The following UBE2F variants were observed in gnomAD, a reference collection of about 807,000 sequenced individuals.
UBE2F encodes the protein NEDD8-conjugating enzyme UBE2F.
In UBE2F, 5 loss-of-function variants were observed where a neutral mutation model predicts 29.6. That is an observed-to-expected ratio of 0.17 (90% CI 0.09 to 0.36). The LOEUF is 0.36. Among genes scored for constraint, UBE2F ranks in the 10% least tolerant of loss-of-function variants. The pLI is 1.00. For synonymous variants in UBE2F, 66 were observed against 81.8 expected (o/e 0.81, Z 1.04); for missense variants, 141 against 228.5 (o/e 0.62, Z 2.47).
At chr2:237,972,690 A>G (rs2063201645) in intron 1 of UBE2F, among the ~76,000 whole-genome samples, 1 of 151,360 alleles carries the variant, frequency 6.6e-6, no homozygotes, top group South Asian at 2.1e-4. Flanking sequence ...AGCTGAGACT[A>G]CAGGCACACA....
chr2:238,030,592 G>A lies in UBE2F; in HGVS notation c.390G>A (p.Trp130Ter). The A allele has an allele frequency of 6.2e-7, 1 of 1,613,722 alleles. No homozygotes were observed. The highest frequency in any genetic ancestry group is 8.5e-7 in the Non-Finnish European group (1 of 1,179,796). Reference sequence around the variant, plus strand: ...AACATTCAATTGATGGCACTGGCTGGGCTCCCACAAGAACATTAAAGGTAG... The same window carrying A: ...AACATTCAATTGATGGCACTGGCTGAGCTCCCACAAGAACATTAAAGGTAG... ...LREHSIDGTG[W>*]APTRTLKDVV... Residue 130 changes from tryptophan to a stop codon, truncating the protein, a stop_gained, in exon 7 of 10, where the codon TGG becomes TGA. Coordinates refer to ENST00000272930, the MANE Select transcript of UBE2F (RefSeq NM_080678.3). LOFTEE classifies it high-confidence loss of function.
intron 3 of UBE2F, among the ~76,000 whole-genome samples, chr2:237,992,005 C>G (rs1313004068): frequency 1.3e-5 from 2 of 152,106 alleles, no homozygotes; most frequent in African/African-American, 4.8e-5. Flanking sequence ...GCTGGGATTA[C>G]AGGCATGCGC....
intron 3 of UBE2F, among the ~76,000 whole-genome samples, chr2:237,991,119 C>A (rs562970346): frequency 1.2e-4 from 18 of 152,186 alleles, no homozygotes; most frequent in Admixed American, 3.9e-4. Context: ...CATCTCCTAG[C>A]CCTATAGCTA....
At chr2:237,978,536 G>GT (rs2106330346) in intron 2 of UBE2F, among the ~76,000 whole-genome samples, 1 of 152,198 alleles carries the variant, frequency 6.6e-6, no homozygotes, top group East Asian at 1.9e-4. Flanking sequence ...CTGCTTTGGA[G>GT]TGGCCGGCCA....
At chr2:238,005,783 A>G (rs1217337932) in intron 4 of UBE2F, among the ~76,000 whole-genome samples, 2 of 152,032 alleles carry the variant, frequency 1.3e-5, no homozygotes, top group Admixed American at 6.5e-5. Flanking sequence ...TACAAATACT[A>G]CTGCTTGATT....
At chr2:237,987,358 A>G (rs763989928) in intron 2 of UBE2F, among the ~76,000 whole-genome samples, 1 of 151,932 alleles carries the variant, frequency 6.6e-6, no homozygotes, top group African/African-American at 2.4e-5. Flanking sequence ...GATGCCTTTT[A>G]TTTGTTTTTC....
At chr2:237,989,137 G>A (rs1367051797) in intron 3 of UBE2F, among the ~76,000 whole-genome samples, 1 of 152,112 alleles carries the variant, frequency 6.6e-6, no homozygotes, top group African/African-American at 2.4e-5. Context: ...TGGGGCTGAG[G>A]ATGTCTGTGG....
chr2:238,011,357 C>T (rs545711013), intron 4 of UBE2F, among the ~76,000 whole-genome samples: 27 of 152,312 alleles, frequency 1.8e-4, no homozygotes, highest in African/African-American at 5.5e-4. Flanking sequence ...CACCCCAGTA[C>T]CCTCCTCCTT....
chr2:238,033,093 T>G (rs1216519101), intron 8 of UBE2F, among the ~76,000 whole-genome samples: 2 of 152,182 alleles, frequency 1.3e-5, no homozygotes, highest in Non-Finnish European at 2.9e-5. Context: ...GGAGTGGCCC[T>G]GTCACCTCCC....
chr2:237,977,769 G>A (rs116565845), intron 2 of UBE2F, among the ~76,000 whole-genome samples: 2,707 of 152,206 alleles, frequency 0.018, 70 homozygotes, highest in African/African-American at 0.062. Flanking sequence ...GAAAAGTAGA[G>A]TGTTGGAGTT....
chr2:238,035,765 A>C, intron 8 of UBE2F, 113 bp from the exon 9 acceptor site: 1 of 757,568 alleles, frequency 1.3e-6, no homozygotes, highest in Non-Finnish European at 2.2e-6. Context: ...TCAGCTCTCC[A>C]GTTTGGTCTG....
intron 4 of UBE2F, among the ~76,000 whole-genome samples, chr2:237,996,621 A>G (rs1459857883): frequency 6.6e-6 from 1 of 151,862 alleles, no homozygotes; most frequent in Non-Finnish European, 1.5e-5. Flanking sequence ...GATTACAGGC[A>G]TGCGCCACCA....
chr2:238,003,203 G>A (rs956424665), intron 4 of UBE2F, among the ~76,000 whole-genome samples: 2 of 147,600 alleles, frequency 1.4e-5, no homozygotes, highest in African/African-American at 5.0e-5. Flanking sequence ...TTTTTTTTTT[G>A]GTGGAATCTT....
At chr2:238,017,644 CA>C (rs2064189848) in intron 5 of UBE2F, among the ~76,000 whole-genome samples, 1 of 152,146 alleles carries the variant, frequency 6.6e-6, no homozygotes, top group Admixed American at 6.6e-5. Context: ...CCCAAATTGC[CA>C]GGGGTTGACG....
intron 8 of UBE2F, among the ~76,000 whole-genome samples, chr2:238,033,156 TTCATGAGTCCAGAACC>T (rs1417841205): frequency 6.6e-6 from 1 of 152,196 alleles, no homozygotes; most frequent in Admixed American, 6.5e-5. Context: ...TTGAGGGCTT[TTCATGAGTCCAGAACC>T]TCAGAGTTGT....
intron 4 of UBE2F, among the ~76,000 whole-genome samples, chr2:238,000,392 A>G (rs1415143745): frequency 6.6e-6 from 1 of 152,092 alleles, no homozygotes; most frequent in Admixed American, 6.5e-5. Context: ...GTGTGTATGT[A>G]TCTATTTTAG....
chr2:238,008,475 A>G (rs2063952114), intron 4 of UBE2F, among the ~76,000 whole-genome samples: 2 of 152,180 alleles, frequency 1.3e-5, no homozygotes, highest in Non-Finnish European at 2.9e-5. Flanking sequence ...TCTTAGTATC[A>G]TCTTATCCTA....
chr2:237,968,286 C>T (rs1016849131), intron 1 of UBE2F, among the ~76,000 whole-genome samples: 18 of 152,126 alleles, frequency 1.2e-4, no homozygotes, highest in Admixed American at 2.0e-4. Flanking sequence ...ACCTGCCTTT[C>T]AGGTAGTAGG....
intron 4 of UBE2F, among the ~76,000 whole-genome samples, chr2:238,013,296 T>C (rs2106379151): frequency 6.6e-6 from 1 of 151,654 alleles, no homozygotes; most frequent in South Asian, 2.1e-4. Flanking sequence ...AAGAAAGAAA[T>C]GGTTATAGAT....
Sources: gnomAD v4.1 joint callset for allele counts (sites outside exome capture counted in the v4.1 genomes callset) on GRCh38, gnomAD v4.1.1 for gene constraint, MANE v1.5 for transcripts, NCBI Gene and HGNC (gene_info 2026-07-23, HGNC 2026-07-21) for gene names.